Variants in SRBD1 observed in about 807,000 individuals in gnomAD.
SRBD1 encodes the protein S1 RNA-binding domain-containing protein 1.
Under a neutral mutation model 115.3 loss-of-function variants are expected in SRBD1, and 88 were observed. The ratio of observed to expected loss-of-function variants is 0.76; its 90% CI spans 0.64 to 0.91. SRBD1 has a LOEUF of 0.91. Among genes scored for constraint, SRBD1 ranks in the 40% least tolerant of loss-of-function variants. The pLI is 0.00. For synonymous variants in SRBD1, 509 were observed against 407.7 expected, an observed-to-expected ratio of 1.25 and a Z score of -2.99; for missense variants, 1,385 against 1,177.4, an observed-to-expected ratio of 1.18 and a Z score of -2.58.
chr2:45,425,689 G>C (rs753425285), intron 16 of SRBD1, among the ~76,000 whole-genome samples: 1 of 152,072 alleles, frequency 6.6e-6, no homozygotes, highest in South Asian at 2.1e-4. Flanking sequence ...GGTGGAAAGC[G>C]CAAGGAGTCA....
chr2:45,395,404 AACT>A (rs1168110264), intron 19 of SRBD1, among the ~76,000 whole-genome samples: 1 of 152,158 alleles, frequency 6.6e-6, no homozygotes, highest in Admixed American at 6.6e-5. Context: ...GAGAGGAACT[AACT>A]ACTACCAAAG....
intron 14 of SRBD1, among the ~76,000 whole-genome samples, chr2:45,522,529 A>T (rs2103959276): frequency 6.6e-6 from 1 of 152,310 alleles, no homozygotes; most frequent in Non-Finnish European, 1.5e-5. Context: ...TCACTGGAGC[A>T]TTTTGGATTA....
chr2:45,514,248 T>C (rs1000125919), intron 14 of SRBD1, among the ~76,000 whole-genome samples: 1 of 152,166 alleles, frequency 6.6e-6, no homozygotes, highest in African/African-American at 2.4e-5. Context: ...TCCTATAACC[T>C]GATTTTTCAC....
At chr2:45,510,365 T>C (rs1428216242) in intron 14 of SRBD1, among the ~76,000 whole-genome samples, 1 of 152,224 alleles carries the variant, frequency 6.6e-6, no homozygotes, top group Non-Finnish European at 1.5e-5. Context: ...AATTAAAGGA[T>C]AAAGGAGCAT....
At chr2:45,406,702 T>A (rs144042387) in intron 19 of SRBD1, among the ~76,000 whole-genome samples, 2 of 152,288 alleles carry the variant, frequency 1.3e-5, no homozygotes, top group African/African-American at 4.8e-5. Flanking sequence ...CAGAACAGCA[T>A]AAAATTCTAC....
At chr2:45,488,386 G>T in intron 14 of SRBD1, 55 bp from the exon 15 acceptor site, 1 of 1,436,414 alleles carries the variant, frequency 7.0e-7, no homozygotes. Context: ...CCTGGTCAAA[G>T]AAAATAAATG....
chr2:45,563,302 T>C (rs1279421572), intron 9 of SRBD1, among the ~76,000 whole-genome samples: 1 of 151,956 alleles, frequency 6.6e-6, no homozygotes, highest in East Asian at 1.9e-4. Context: ...TTGTTGCAAA[T>C]CACAAAGCTA....
intron 2 of SRBD1, among the ~76,000 whole-genome samples, chr2:45,604,398 A>AGGGGGGGGGGGGGGG (rs1179478169): frequency 2.9e-5 from 4 of 140,200 alleles, no homozygotes; most frequent in African/African-American, 5.5e-5. Flanking sequence ...GGGTGGAGGA[A>AGGGGGGGGGGGGGGG]GGGGAGGGCT....
At chr2:45,461,973 T>C (rs935116554) in intron 16 of SRBD1, among the ~76,000 whole-genome samples, 2 of 152,148 alleles carry the variant, frequency 1.3e-5, no homozygotes, top group African/African-American at 4.8e-5. Flanking sequence ...GCTGTTTAGT[T>C]CATTTACTAA....
At chr2:45,561,665 C>T (rs1672668322) in intron 10 of SRBD1, among the ~76,000 whole-genome samples, 1 of 152,146 alleles carries the variant, frequency 6.6e-6, no homozygotes, top group Admixed American at 6.5e-5. Flanking sequence ...GTGGTGGCTA[C>T]AAAATCTGCT....
chr2:45,586,878 A>AC (rs1289081780), intron 4 of SRBD1, among the ~76,000 whole-genome samples: 1 of 129,432 alleles, frequency 7.7e-6, no homozygotes, highest in Non-Finnish European at 1.7e-5. Flanking sequence ...TTGTTTTAAA[A>AC]TATTATTTAT....
chr2:45,516,384 T>TA (rs1300258699), intron 14 of SRBD1, among the ~76,000 whole-genome samples: 2 of 152,212 alleles, frequency 1.3e-5, no homozygotes, highest in African/African-American at 4.8e-5. Flanking sequence ...TACCATAAAA[T>TA]ATGCACATGC....
chr2:45,610,387 C>T lies in SRBD1; in HGVS notation c.-1+832G>A, dbSNP rs529190786. ...CAGAGTGCTTGAATGTTAGCAGATT[C>T]CCAAGTCACAAAAACAAAATACTAG... On this transcript the variant is annotated intron_variant, in intron 1 of 20. Coordinates refer to ENST00000263736, the MANE Select transcript of SRBD1 (RefSeq NM_018079.5). 7.2e-5 allele frequency among the ~76,000 whole-genome samples: 11 copies of T among 152,310 alleles called. No homozygotes were observed. The East Asian group carries it at 2.1e-3, about 29-fold the overall frequency.
In SRBD1 at chr2:45,399,088, A is replaced by G. The variant is rs143329246; in HGVS notation, c.2514-5959T>C. Among the ~76,000 whole-genome samples the G allele has an allele frequency of 2.4e-4, 37 of 152,190 alleles. 1 individual carries two copies. The East Asian group carries it at 5.4e-3, about 22-fold the overall frequency. Reference sequence around the variant, plus strand: ...CCAAAAGAGAACCAGAAAAAAAAAAATCAACAACCCAGTATTATGCAGCCT... The same window carrying G: ...CCAAAAGAGAACCAGAAAAAAAAAAGTCAACAACCCAGTATTATGCAGCCT... On this transcript the variant is annotated intron_variant, in intron 19 of 20. Transcript: ENST00000263736.
intron 14 of SRBD1, among the ~76,000 whole-genome samples, chr2:45,545,247 T>G (rs1193560888): frequency 7.9e-6 from 1 of 127,024 alleles, no homozygotes; most frequent in Non-Finnish European, 1.5e-5. Context: ...GCCACTGCAC[T>G]CCAGCCTGGG....
At chr2:45,506,090 G>A (rs902076944) in intron 14 of SRBD1, among the ~76,000 whole-genome samples, 1 of 152,166 alleles carries the variant, frequency 6.6e-6, no homozygotes, top group African/African-American at 2.4e-5. Context: ...CAAAGCAGGA[G>A]ATGCTGAAGA....
chr2:45,568,170 T>C (rs996952620), intron 9 of SRBD1: 1 of 152,148 alleles, frequency 6.6e-6, no homozygotes, highest in South Asian at 2.1e-4. Flanking sequence ...ATGTGAAGAC[T>C]GAGTTACAAA....
At chr2:45,536,599 G>C (rs10490345) in intron 14 of SRBD1, among the ~76,000 whole-genome samples, 35,707 of 151,910 alleles carry the variant, frequency 0.24, 4,270 homozygotes, top group South Asian at 0.32. Flanking sequence ...TTTGACATGA[G>C]GAATTTTAAT....
intron 16 of SRBD1, among the ~76,000 whole-genome samples, chr2:45,429,105 C>T (rs1369194230): frequency 6.6e-6 from 1 of 152,034 alleles, no homozygotes; most frequent in Non-Finnish European, 1.5e-5. Flanking sequence ...AGGAAAAAGT[C>T]GAATCCCTGA....
Sources: gnomAD v4.1 joint callset for allele counts (sites outside exome capture counted in the v4.1 genomes callset) on GRCh38, gnomAD v4.1.1 for gene constraint, MANE v1.5 for transcripts, NCBI Gene and HGNC (gene_info 2026-07-23, HGNC 2026-07-21) for gene names.